Variants in GFPT1 observed in about 807,000 individuals in gnomAD.
GFPT1 encodes glutamine--fructose-6-phosphate aminotransferase [isomerizing] 1.
A neutral mutation model predicts 92.0 loss-of-function variants in GFPT1; 40 were observed. That is an observed-to-expected ratio of 0.43 (90% CI 0.34 to 0.57). The LOEUF is 0.57. Among genes scored for constraint, GFPT1 ranks in the 20% least tolerant of loss-of-function variants. The pLI is 0.02. For synonymous variants in GFPT1, 269 were observed against 280.6 expected (o/e 0.96, Z 0.41); for missense variants, 448 against 869.1 (o/e 0.52, Z 6.09).
chr2:69,321,206 AAT>A lies in GFPT1; in HGVS notation c.*4981_*4982del, dbSNP rs1670395732. The A allele has an allele frequency of 6.6e-6, 1 of 152,194 alleles. No individual in the cohort carries two copies. The highest frequency in any genetic ancestry group is 1.5e-5 in the Non-Finnish European group (1 of 68,026). The allele number at this position is 152,194 out of a possible 1,614,324, so 9.4% of individuals were successfully genotyped here. A position where few individuals can be genotyped will look rare whatever the true frequency, so the allele number is the denominator to read the frequency against. On this transcript the variant is annotated 3_prime_UTR_variant, in exon 20 of 20. Transcript: ENST00000357308. ...CATACCCCGTAAACTTCCTATAAAC[AAT>A]ATGTTATTGCAAAATGTTTTAAAAG... is the stretch of plus-strand genomic sequence containing the variant.
chr2:69,362,209 A>G (rs915688778), intron 4 of GFPT1, among the ~76,000 whole-genome samples: 1 of 152,150 alleles, frequency 6.6e-6, no homozygotes, highest in Non-Finnish European at 1.5e-5. Context: ...GGCTCACTGC[A>G]GCCTCAACCC....
Position 69,370,053 on chromosome 2 carries a change from G to T in GFPT1, c.171C>A (p.Ile57=). 1 of 1,610,454 alleles carries T rather than the reference G, an allele frequency of 6.2e-7. No individual in the cohort carries two copies. Among genetic ancestry groups the T allele is most frequent in the Non-Finnish European group, 8.5e-7 (1 of 1,176,800 alleles). ...CTTTTCCTTTCTTCTTAATAAGCTG[G>T]ATTTTGCAGGCATTGGCTTCCCAAT... ...DKDWEANACK[I]QLIKKKGKVK... is the part of the protein sequence containing the mutation. Residue 57 remains isoleucine, a synonymous_variant, in exon 3 of 20, where the codon ATC becomes ATA. Coordinates refer to ENST00000357308, the MANE Select transcript of GFPT1 (RefSeq NM_001244710.2).
chr2:69,356,760 A>G (rs970965435), intron 6 of GFPT1, among the ~76,000 whole-genome samples: 8 of 143,786 alleles, frequency 5.6e-5, no homozygotes, highest in Non-Finnish European at 1.2e-4. Flanking sequence ...TTTTTTTGAG[A>G]TGGAGTCTCA....
intron 2 of GFPT1, among the ~76,000 whole-genome samples, chr2:69,370,774 CAGG>C (rs1416843640): frequency 1.1e-4 from 16 of 152,088 alleles, no homozygotes; most frequent in East Asian, 3.9e-4. Flanking sequence ...AGTGAGAAAG[CAGG>C]AGAAGTGTGG....
At chr2:69,345,324 G>T (rs773397534) in intron 12 of GFPT1, among the ~76,000 whole-genome samples, 7 of 152,086 alleles carry the variant, frequency 4.6e-5, no homozygotes, top group Non-Finnish European at 1.0e-4. Flanking sequence ...GTTATCCAAA[G>T]GCATCAGGCA....
chr2:69,349,314 T>C (rs990206489), intron 10 of GFPT1, among the ~76,000 whole-genome samples: 2 of 152,252 alleles, frequency 1.3e-5, no homozygotes, highest in African/African-American at 2.4e-5. Flanking sequence ...TATGTTTCTG[T>C]AATTCCAGTG....
intron 3 of GFPT1, among the ~76,000 whole-genome samples, chr2:69,364,811 A>G (rs577085583): frequency 1.0e-3 from 154 of 152,152 alleles, no homozygotes; most frequent in African/African-American, 3.6e-3. Context: ...CCTTACCAAC[A>G]TGGTGAAACC....
chr2:69,359,134 G>T, intron 5 of GFPT1, 134 bp downstream of exon 5: 1 of 681,056 alleles, frequency 1.5e-6, no homozygotes. Flanking sequence ...ATAAACCACC[G>T]TGCCCTTGGA....
chr2:69,340,645 TA>T (rs572692794), intron 13 of GFPT1, among the ~76,000 whole-genome samples: 7 of 147,088 alleles, frequency 4.8e-5, no homozygotes, highest in Admixed American at 1.4e-4. Flanking sequence ...ATATAGATAC[TA>T]AAAAAAAAAC....
chr2:69,355,666 T>C (rs1480605281), intron 7 of GFPT1, among the ~76,000 whole-genome samples: 1 of 152,186 alleles, frequency 6.6e-6, no homozygotes, highest in Non-Finnish European at 1.5e-5. Flanking sequence ...TTCCTTTCAA[T>C]TGTGCACAGA....
At chr2:69,376,657 A>G (rs765052443) in intron 1 of GFPT1, among the ~76,000 whole-genome samples, 3 of 152,234 alleles carry the variant, frequency 2.0e-5, no homozygotes, top group Non-Finnish European at 4.4e-5. Flanking sequence ...TTGTTTGCAG[A>G]TTGTCCAGAG....
In GFPT1 at chr2:69,353,593, T is replaced by C. The variant is rs564586485; in HGVS notation, c.739+666A>G. Among the ~76,000 whole-genome samples, 3 of 151,810 alleles carry C rather than the reference T, an allele frequency of 2.0e-5. No individual in the cohort carries two copies. In the East Asian group the frequency reaches 5.8e-4, roughly 30 times the overall value. ...TTGTAGTACTAGCTATTTGAGAGGC[T>C]GAGGCAAGAGGATCCACCTGAGCCC... On this transcript the variant is annotated intron_variant, in intron 9 of 19. Coordinates refer to ENST00000357308, the MANE Select transcript of GFPT1 (RefSeq NM_001244710.2).
At chr2:69,385,817 G>T (rs1672115964) in intron 1 of GFPT1, among the ~76,000 whole-genome samples, 1 of 151,750 alleles carries the variant, frequency 6.6e-6, no homozygotes. Flanking sequence ...ATTTATAGGT[G>T]TTTCTGTTTT....
At chr2:69,373,223 G>A (rs976199202) in intron 2 of GFPT1, among the ~76,000 whole-genome samples, 5 of 152,170 alleles carry the variant, frequency 3.3e-5, no homozygotes, top group East Asian at 1.9e-4. Context: ...CTAGGGAATC[G>A]TCAAATCTGA....
At chr2:69,333,588 CA>C (rs1231522081) in intron 15 of GFPT1, among the ~76,000 whole-genome samples, 1 of 152,032 alleles carries the variant, frequency 6.6e-6, no homozygotes, top group African/African-American at 2.4e-5. Flanking sequence ...TTTGTTCAGC[CA>C]AAAACAAAGT....
intron 1 of GFPT1, among the ~76,000 whole-genome samples, chr2:69,386,086 T>C (rs1039262186): frequency 6.7e-6 from 1 of 148,990 alleles, no homozygotes; most frequent in Non-Finnish European, 1.5e-5. Flanking sequence ...TAAATTTCAA[T>C]AAGAAAGGTA....
chr2:69,357,618 G>T (rs1671370677), intron 6 of GFPT1, among the ~76,000 whole-genome samples: 1 of 152,212 alleles, frequency 6.6e-6, no homozygotes, highest in Non-Finnish European at 1.5e-5. Flanking sequence ...GGGTGCAGGT[G>T]GGAGAGAAGT....
intron 6 of GFPT1, among the ~76,000 whole-genome samples, chr2:69,357,075 TAGATA>T (rs1671356099): frequency 6.6e-6 from 1 of 152,254 alleles, no homozygotes; most frequent in South Asian, 2.1e-4. Flanking sequence ...ATATGCTCAA[TAGATA>T]ACAACTACAA....
intron 4 of GFPT1, among the ~76,000 whole-genome samples, chr2:69,361,809 A>G (rs1260624875): frequency 1.3e-5 from 2 of 152,068 alleles, no homozygotes; most frequent in African/African-American, 4.8e-5. Context: ...CAAGACCCCT[A>G]TCTCTACAAA....
Sources: allele counts gnomAD v4.1 joint callset (sites outside exome capture counted in the v4.1 genomes callset), GRCh38; gene constraint gnomAD v4.1.1; transcripts MANE v1.5; gene names NCBI Gene and HGNC (gene_info 2026-07-23, HGNC 2026-07-21).